TMEM214: variants seen among roughly 807,000 people sequenced by gnomAD.
TMEM214 encodes the protein transmembrane protein 214.
Under a neutral mutation model 89.8 loss-of-function variants are expected in TMEM214, and 71 were observed. The observed-to-expected ratio is 0.79, with a 90% CI of 0.65 to 0.96. The LOEUF is 0.96. TMEM214 is among the 40% of genes least tolerant of loss of function. The pLI is 0.00. For synonymous variants in TMEM214, 332 were observed against 349.5 expected (o/e 0.95, Z 0.56); for missense variants, 754 against 843.4 (o/e 0.89, Z 1.31).
rs779435621 is a variant in TMEM214 at position 27,036,753 on chromosome 2, C to A, written c.875C>A (p.Pro292His). Reference sequence around the variant, plus strand: ...GTGCTGGGCATCAAGTCTCTGTCTCCCTTTGCCATCACATACCTGGATCGG... The same window carrying A: ...GTGCTGGGCATCAAGTCTCTGTCTCACTTTGCCATCACATACCTGGATCGG... The part of the protein sequence containing the change: ...LPVLGIKSLS[P>H]FAITYLDRLL... Residue 292 changes from proline (P) to histidine (H), a missense_variant, in exon 7 of 17, where the codon CCC becomes CAC. By Grantham distance (77) the Pro-to-His change is moderately conservative (BLOSUM62 -2). Coordinates refer to ENST00000238788, the MANE Select transcript of TMEM214 (RefSeq NM_017727.5). 1.2e-6 allele frequency: 2 copies of A among 1,614,136 alleles called. No individual in the cohort carries two copies. The highest frequency in any genetic ancestry group is 8.5e-7 in the Non-Finnish European group (1 of 1,180,036).
chr2:27,036,547 G>T lies in TMEM214; in HGVS notation c.781G>T (p.Ala261Ser), dbSNP rs1193297619. Residue 261 changes from alanine to serine, a missense_variant, in exon 6 of 17, where the codon GCC (alanine) becomes TCC (serine). By Grantham distance (99) the Ala-to-Ser change is moderately conservative. Transcript: ENST00000238788. ...AGCAAAGTGTCTCACCATCATGTGGGCCCTGGGTCAAGCAGGTTTTGCCAA... is the reference window on the plus strand; with the variant it reads ...AGCAAAGTGTCTCACCATCATGTGGTCCCTGGGTCAAGCAGGTTTTGCCAA... ...RPAKCLTIMW[A>S]LGQAGFANLT... The T allele has an allele frequency of 2.5e-6, 4 of 1,614,054 alleles. No homozygotes were observed. The highest frequency in any genetic ancestry group is 1.3e-5 in the African/African-American group (1 of 74,924).
chr2:27,035,088 C>T, intron 2 of TMEM214, 47 bp from the exon 3 acceptor site: 1 of 1,608,372 alleles, frequency 6.2e-7, no homozygotes, highest in South Asian at 1.1e-5. Context: ...TTTACTCCCT[C>T]ACTCACAACT....
Position 27,038,211 on chromosome 2 carries a change from G to GTA in TMEM214, c.1219_1220dup (p.Pro408ThrfsTer45). ...TCAGTGCCAGCGTCTGGAGGCAGCT[G>GTA]TACCCTAAGCACCTGTCACAGTCCA... is the stretch of plus-strand genomic sequence containing the variant. On this transcript the variant is annotated frameshift_variant, in exon 10 of 17. Coordinates refer to ENST00000238788, the MANE Select transcript of TMEM214 (RefSeq NM_017727.5). LOFTEE classifies it high-confidence loss of function. The surrounding 1 kb of genome is among the most constrained non-coding windows in gnomAD (Gnocchi z 4.4). The GTA allele has an allele frequency of 6.2e-7, 1 of 1,614,166 alleles. No homozygotes were observed. The highest frequency in any genetic ancestry group is 8.5e-7 in the Non-Finnish European group (1 of 1,180,020).
intron 8 of TMEM214, 46 bp from the exon 9 acceptor site, chr2:27,037,515 G>T: frequency 1.2e-6 from 2 of 1,613,288 alleles, no homozygotes; most frequent in Non-Finnish European, 1.7e-6. Context: ...ATATCATACA[G>T]CTCCACTTAT....
chr2:27,039,299 G>A (rs1667715186), intron 13 of TMEM214, 135 bp downstream of exon 13: 2 of 736,374 alleles, frequency 2.7e-6, no homozygotes, highest in Admixed American at 5.1e-5. Flanking sequence ...ACACTTTACA[G>A]ACAGATTTTT....
rs1667400844 is a variant in TMEM214 at position 27,033,064 on chromosome 2, G to A, written c.49G>A (p.Gly17Ser). Reference protein sequence around the residue: ...GVGRWEVVKKGRRPGVGAGAG... With the variant: ...GVGRWEVVKKSRRPGVGAGAG... ...GGGGCGGTGGGAGGTAGTGAAGAAG[G>A]GTCGGCGGCCTGGGGTCGGCGCCGG... Residue 17 changes from glycine to serine, a missense_variant, in exon 1 of 17, where the codon GGT (glycine) becomes AGT (serine). Transcript: ENST00000238788. 8.0e-7 allele frequency: 1 copy of A among 1,247,688 alleles called. No individual in the cohort carries two copies. The highest frequency in any genetic ancestry group is 4.2e-5 in the Admixed American group (1 of 23,696). The allele number at this position is 1,247,688 out of a possible 1,614,324, so 77.3% of individuals were successfully genotyped here.
Position 27,035,636 on chromosome 2 carries a change from T to C in TMEM214, c.545T>C (p.Ile182Thr). Reference sequence around the variant, plus strand: ...GTGAGCCGGGAGCTACGTGGGATCATCCGAGGGCTGCTGGCGAAGGCAGCA... The same window carrying C: ...GTGAGCCGGGAGCTACGTGGGATCACCCGAGGGCTGCTGGCGAAGGCAGCA... ...SLVSRELRGI[I>T]RGLLAKAAGS... The change falls in exon 4 of 17, where the codon ATC (isoleucine) becomes ACC (threonine). Residue 182 changes from isoleucine (I) to threonine (T), a missense_variant. By Grantham distance (89) the Ile-to-Thr change is moderately conservative. Transcript: ENST00000238788. The C allele has an allele frequency of 6.2e-7, 1 of 1,614,190 alleles. No homozygotes were observed. The highest frequency in any genetic ancestry group is 8.5e-7 in the Non-Finnish European group (1 of 1,180,028).
rs771762513 is a variant in TMEM214, at chr2:27,034,062, C to T, written c.152-5C>T. 5.0e-6 allele frequency: 8 copies of T among 1,613,966 alleles called. No homozygotes were observed. Among genetic ancestry groups the T allele is most frequent in the Non-Finnish European group, 6.8e-6 (8 of 1,179,976 alleles). On this transcript the variant is annotated splice_region_variant and splice_polypyrimidine_tract_variant and intron_variant, in intron 1 of 16. Coordinates refer to ENST00000238788, the MANE Select transcript of TMEM214 (RefSeq NM_017727.5). ...CCTGCCTTTCTCTACCTATCTTCAC[C>T]CCAGCTGCAATCCAGACCACAAGCA...
intron 3 of TMEM214, 42 bp downstream of exon 3, chr2:27,035,327 A>G: frequency 1.9e-6 from 3 of 1,613,046 alleles, no homozygotes; most frequent in South Asian, 2.2e-5. Flanking sequence ...AAGTTCAAAT[A>G]AATTCAAAAA....
intron 8 of TMEM214, 145 bp downstream of exon 8, chr2:27,037,323 C>CTGTT: frequency 1.2e-6 from 1 of 833,974 alleles, no homozygotes; most frequent in Non-Finnish European, 2.0e-6. Context: ...GGAACAGTGA[C>CTGTT]CCCTTGAAAT....
intron 13 of TMEM214, 176 bp downstream of exon 13, chr2:27,039,340 A>G (rs907053191): frequency 1.6e-6 from 1 of 614,668 alleles, no homozygotes; most frequent in Non-Finnish European, 2.9e-6. Context: ...ACCATTTCAG[A>G]TTGGACTAGG....
At position 27,036,491 on chromosome 2, in the gene TMEM214, T is replaced by G. The variant is rs1667565696; in HGVS notation, c.725T>G (p.Leu242Arg). 6.2e-7 allele frequency: 1 copy of G among 1,613,768 alleles called. No individual in the cohort carries two copies. The highest frequency in any genetic ancestry group is 1.3e-5 in the African/African-American group (1 of 74,920). ...KIATANLGKF[L>R]ELLRSHQSRP... ...CTTCCCCACCGGTCTCCTCAGTTCCTGGAACTGCTGAGGTCCCACCAGAGC... is the reference window on the plus strand; with the variant it reads ...CTTCCCCACCGGTCTCCTCAGTTCCGGGAACTGCTGAGGTCCCACCAGAGC... Residue 242 changes from leucine to arginine, a missense_variant, in exon 6 of 17, where the codon CTG (leucine) becomes CGG (arginine). Coordinates refer to ENST00000238788, the MANE Select transcript of TMEM214 (RefSeq NM_017727.5).
In TMEM214 at chr2:27,040,089, G is replaced by C. The variant is rs775005502; in HGVS notation, c.1682G>C (p.Ser561Thr). The C allele has an allele frequency of 6.2e-7, 1 of 1,609,150 alleles. No individual in the cohort carries two copies. The highest frequency in any genetic ancestry group is 2.2e-5 in the East Asian group (1 of 44,872). The change falls in exon 15 of 17, where the codon AGC (serine) becomes ACC (threonine). Residue 561 changes from serine to threonine, a missense_variant. Physicochemically the swap from Ser to Thr is moderately conservative, Grantham distance 58. Transcript: ENST00000238788. ...CACCTGCTCACCGTGGTGCGGCCCA[G>C]CTTGCAGCTGGCCTGGGCTCACACC... ...GSHLLTVVRP[S>T]LQLAWAHTNA... is the part of the protein sequence containing the mutation.
chr2:27,040,584 C>T, intron 16 of TMEM214, 88 bp downstream of exon 16: 1 of 1,586,416 alleles, frequency 6.3e-7, no homozygotes, highest in Non-Finnish European at 8.6e-7. Context: ...CAGTCTCCCA[C>T]ACTGTCCTGC....
Position 27,038,969 on chromosome 2 carries a change from C to A in TMEM214, c.1408-78C>A. Reference sequence around the variant, plus strand: ...AAGGCTTGACGCTCTTTCGGGAAGGCCTGGCTTGAGGTCTGCCCTCAGAGG... The same window carrying A: ...AAGGCTTGACGCTCTTTCGGGAAGGACTGGCTTGAGGTCTGCCCTCAGAGG... On this transcript the variant is annotated intron_variant, in intron 12 of 16. Transcript: ENST00000238788. This position sits in a 1 kb window ranked among gnomAD's most constrained non-coding sequence, Gnocchi z 4.4. The A allele has an allele frequency of 6.5e-7, 1 of 1,528,800 alleles. No homozygotes were observed. Among genetic ancestry groups the A allele is most frequent in the Non-Finnish European group, 9.0e-7 (1 of 1,107,812 alleles). 94.7% of individuals were successfully genotyped at this position (1,528,800 alleles called of 1,614,324 possible).
chr2:27,033,451 TC>T (rs1462856452), intron 1 of TMEM214, among the ~76,000 whole-genome samples: 16 of 152,136 alleles, frequency 1.1e-4, no homozygotes, highest in Admixed American at 1.0e-3. Flanking sequence ...GCACACACTC[TC>T]CCAGCTGCCC....
chr2:27,039,116 G>A lies in TMEM214; in HGVS notation c.1477G>A (p.Ala493Thr), dbSNP rs373884614. 38 of 1,613,852 alleles carry A rather than the reference G, an allele frequency of 2.4e-5. No homozygotes were observed. The highest frequency in any genetic ancestry group is 6.7e-5 in the Admixed American group (4 of 60,028). Residue 493 changes from alanine to threonine, a missense_variant, in exon 13 of 17, where the codon GCT (alanine) becomes ACT (threonine). Ala to Thr is a moderately conservative substitution (Grantham distance 58). Transcript: ENST00000238788. ...TRLLLLLLVF[A>T]VGFLCHDLRS... ...GCTCCTCCTGTTGCTGCTGGTCTTC[G>A]CTGTAGGCTTCCTGTGCCATGACCT...
intron 13 of TMEM214, chr2:27,039,377 A>G (rs569256423): frequency 3.4e-6 from 2 of 593,942 alleles, no homozygotes; most frequent in East Asian, 2.8e-5. Context: ...GTGCTTGCAT[A>G]TTCATAGTAT....
intron 8 of TMEM214, 63 bp from the exon 9 acceptor site, chr2:27,037,498 A>C: frequency 6.2e-7 from 1 of 1,604,180 alleles, no homozygotes; most frequent in Non-Finnish European, 8.5e-7. Context: ...AAGCAAGCAA[A>C]AGGTTCATAT....
Sources: gnomAD v4.1 joint callset for allele counts (sites outside exome capture counted in the v4.1 genomes callset) on GRCh38, gnomAD v4.1.1 for gene constraint, Gnocchi (gnomAD v3.1) non-coding constraint, MANE v1.5 for transcripts, NCBI Gene and HGNC (gene_info 2026-07-23, HGNC 2026-07-21) for gene names.